Variants in C1QTNF1 observed in about 807,000 individuals in gnomAD.
The protein encoded by C1QTNF1 is C1q and TNF related 1, also known as complement C1q tumor necrosis factor-related protein 1.
A neutral mutation model predicts 27.8 loss-of-function variants in C1QTNF1; 22 were observed. The observed-to-expected ratio is 0.79, with a 90% CI of 0.56 to 1.13. The LOEUF (loss-of-function observed/expected upper bound fraction) is 1.13. C1QTNF1 is among the 50% of genes most tolerant of loss of function. C1QTNF1 has a pLI of 0.00. For synonymous variants in C1QTNF1, 166 were observed against 154.3 expected (o/e 1.08, Z -0.56); for missense variants, 373 against 380.2 (o/e 0.98, Z 0.16).
chr17:79,045,022 C>G (rs988815743), intron 2 of C1QTNF1, among the ~76,000 whole-genome samples: 3 of 150,116 alleles, frequency 2.0e-5, no homozygotes, highest in Admixed American at 1.3e-4. Flanking sequence ...GCTCTGAGGC[C>G]GAGAGGGAGA....
At position 79,046,872 on chromosome 17, in the gene C1QTNF1, G is replaced by T; in HGVS notation, c.295+178G>T. The T allele has an allele frequency of 1.2e-6, 1 of 828,718 alleles. No individual in the cohort carries two copies. The highest frequency in any genetic ancestry group is 1.9e-5 in the South Asian group (1 of 52,088). 51.3% of individuals were successfully genotyped at this position (828,718 alleles called of 1,614,324 possible). ...AGGCACAGGAAATTCTGATTTTGAGGCTCTGGCCCCTCTCCAAGAGGAGGG... is the reference window on the plus strand; with the variant it reads ...AGGCACAGGAAATTCTGATTTTGAGTCTCTGGCCCCTCTCCAAGAGGAGGG... On this transcript the variant is annotated intron_variant, in intron 3 of 3. Transcript: ENST00000579760. This position sits in a 1 kb window ranked among gnomAD's most constrained non-coding sequence, Gnocchi z 4.8.
intron 1 of C1QTNF1, among the ~76,000 whole-genome samples, chr17:79,039,376 G>A (rs547051518): frequency 1.3e-4 from 19 of 150,898 alleles, no homozygotes; most frequent in African/African-American, 2.2e-4. Flanking sequence ...GTTGGCTGGC[G>A]CGGTGGCAAA....
chr17:79,045,942 T>C (rs950754763), intron 2 of C1QTNF1, among the ~76,000 whole-genome samples: 1 of 152,060 alleles, frequency 6.6e-6, no homozygotes, highest in Non-Finnish European at 1.5e-5. Context: ...AGCTGGCCCA[T>C]CCAGGGGGAC....
chr17:79,023,857 A>G (rs560398401), upstream of C1QTNF1, among the ~76,000 whole-genome samples: 3 of 152,328 alleles, frequency 2.0e-5, no homozygotes, highest in East Asian at 5.8e-4. Flanking sequence ...AGGGTTGGCC[A>G]CAGCGGATCC....
In C1QTNF1 at chr17:79,046,393, A is replaced by G. The variant is rs1370179780; in HGVS notation, c.156-162A>G. Among the ~76,000 whole-genome samples the G allele has an allele frequency of 6.6e-6, 1 of 152,194 alleles. No individual in the cohort carries two copies. The highest frequency in any genetic ancestry group is 2.4e-5 in the African/African-American group (1 of 41,454). On this transcript the variant is annotated intron_variant, in intron 2 of 3. Transcript: ENST00000579760. This position sits in a 1 kb window ranked among gnomAD's most constrained non-coding sequence, Gnocchi z 4.8. ...GGGCTCGTTCGGTAGTGAGGATCCC[A>G]GAGTGGGCCGTGAGCCCACCAGCGT...
At chr17:79,032,201 A>G (rs1361957637) in intron 1 of C1QTNF1, among the ~76,000 whole-genome samples, 1 of 152,154 alleles carries the variant, frequency 6.6e-6, no homozygotes, top group Non-Finnish European at 1.5e-5. Flanking sequence ...CCTACAGCAC[A>G]CCCAGGTCTG....
Position 79,046,507 on chromosome 17 carries a change from C to G in C1QTNF1, c.156-48C>G, listed in dbSNP as rs2072576878. The G allele has an allele frequency of 6.2e-7, 1 of 1,611,552 alleles. No individual in the cohort carries two copies. The highest frequency in any genetic ancestry group is 1.1e-5 in the South Asian group (1 of 90,856). Reference sequence around the variant, plus strand: ...CTGGCAGCAGGAGAGAGCAGCGTTTCCAGGCCTGAGAGTGGCTGACTTTCA... The same window carrying G: ...CTGGCAGCAGGAGAGAGCAGCGTTTGCAGGCCTGAGAGTGGCTGACTTTCA... On this transcript the variant is annotated intron_variant, in intron 2 of 3. Coordinates refer to ENST00000579760, the MANE Select transcript of C1QTNF1 (RefSeq NM_030968.5). This position sits in a 1 kb window ranked among gnomAD's most constrained non-coding sequence, Gnocchi z 4.8.
chr17:79,043,930 T>A (rs1270977122), intron 1 of C1QTNF1, 25 bp from the exon 2 acceptor site: 1 of 1,612,718 alleles, frequency 6.2e-7, no homozygotes, highest in Non-Finnish European at 8.5e-7. Flanking sequence ...CTCGGTGCCT[T>A]CCCTGTGTGT....
At chr17:79,036,115 C>A (rs1294806412) in intron 1 of C1QTNF1, among the ~76,000 whole-genome samples, 1 of 152,228 alleles carries the variant, frequency 6.6e-6, no homozygotes, top group Non-Finnish European at 1.5e-5. Flanking sequence ...AAACTTTCTG[C>A]AATGATTGAA....
chr17:79,043,213 TG>T, intron 1 of C1QTNF1: 1 of 446,260 alleles, frequency 2.2e-6, no homozygotes, highest in Non-Finnish European at 4.4e-6. Context: ...GTGGATTGCA[TG>T]TGTGTGTGAA....
intron 1 of C1QTNF1, chr17:79,043,387 G>A: frequency 2.2e-6 from 1 of 453,338 alleles, no homozygotes; most frequent in Admixed American, 2.4e-5. Flanking sequence ...CTGTGTATGT[G>A]CATGTATGTG....
rs138702525 is a variant in C1QTNF1, at chr17:79,024,618, C to CG, written c.-15+126dup. ...GGACGGAGAGCGCCGTGGGAGGGGCCGGTTGGCGGTGGCGGCGCAGGGGCG... is the reference window on the plus strand; with the variant it reads ...GGACGGAGAGCGCCGTGGGAGGGGCCGGGTTGGCGGTGGCGGCGCAGGGGCG... On this transcript the variant is annotated intron_variant, in intron 1 of 3. Transcript: ENST00000579760. 1,277 of 152,438 alleles carry CG rather than the reference C, an allele frequency of 8.4e-3. 49 individuals carry two copies. In the East Asian group the frequency reaches 0.12, roughly 14 times the overall value. The allele number at this position is 152,438 out of a possible 1,614,324, so 9.4% of individuals were successfully genotyped here. A position where few individuals can be genotyped will look rare whatever the true frequency, so the allele number is the denominator to read the frequency against.
rs776452238 is a variant in C1QTNF1 at position 79,048,132 on chromosome 17, G to A, written c.*44G>A. On this transcript the variant is annotated 3_prime_UTR_variant, in exon 4 of 4. Transcript: ENST00000579760. ...TCCTCTCGCCACCTTCCACCCCTGC[G>A]CTGTGCTGACCCCACCGCCTCTTCC... 8 of 1,126,474 alleles carry A rather than the reference G, an allele frequency of 7.1e-6. No individual in the cohort carries two copies. Among genetic ancestry groups the A allele is most frequent in the East Asian group, 4.6e-5 (1 of 21,566 alleles). 69.8% of individuals were successfully genotyped at this position (1,126,474 alleles called of 1,614,324 possible).
At chr17:79,030,515 TTCTTTC>T (rs1208330665) in intron 1 of C1QTNF1, among the ~76,000 whole-genome samples, 6 of 134,566 alleles carry the variant, frequency 4.5e-5, no homozygotes, top group African/African-American at 1.8e-4. Context: ...CTTTCTTTCT[TTCTTTC>T]TTTCTTTCTT....
At chr17:79,028,152 G>C (rs2072024460) in intron 1 of C1QTNF1, among the ~76,000 whole-genome samples, 1 of 152,190 alleles carries the variant, frequency 6.6e-6, no homozygotes, top group African/African-American at 2.4e-5. Flanking sequence ...CAGGAGTCGA[G>C]GGGAGGAGGA....
In C1QTNF1 at chr17:79,042,079, AC is replaced by A. The variant is rs771615913; in HGVS notation, c.-14-1873del. On this transcript the variant is annotated intron_variant, in intron 1 of 3. Transcript: ENST00000579760. ...CAGCCAGGAGTGAGGGACGCTTCTC[AC>A]CCACCTTCTCACTGGGCGGCTGTGT... Among the ~76,000 whole-genome samples the A allele has an allele frequency of 3.2e-4, 48 of 152,316 alleles. No homozygotes were observed. The Middle Eastern group carries it at 0.017, about 54-fold the overall frequency.
At chr17:79,025,419 T>G (rs940433667) in intron 1 of C1QTNF1, among the ~76,000 whole-genome samples, 8 of 152,112 alleles carry the variant, frequency 5.3e-5, no homozygotes, top group Admixed American at 2.6e-4. Context: ...TGTGAGGTGT[T>G]CCTGACTCTT....
chr17:79,036,298 C>T (rs911775123), intron 1 of C1QTNF1, among the ~76,000 whole-genome samples: 8 of 152,208 alleles, frequency 5.3e-5, no homozygotes, highest in African/African-American at 1.9e-4. Flanking sequence ...CCTCAGCCTC[C>T]AGAGTAGCTG....
intron 1 of C1QTNF1, among the ~76,000 whole-genome samples, chr17:79,028,128 G>A (rs1172150904): frequency 6.6e-6 from 1 of 152,184 alleles, no homozygotes. Context: ...AGCAGGAGAC[G>A]GCAGGCAGGG....
Sources: allele counts gnomAD v4.1 joint callset (sites outside exome capture counted in the v4.1 genomes callset), GRCh38; gene constraint gnomAD v4.1.1; non-coding constraint Gnocchi (gnomAD v3.1); transcripts MANE v1.5; gene names NCBI Gene and HGNC (gene_info 2026-07-23, HGNC 2026-07-21).